DIAPH2: variants seen among roughly 807,000 people sequenced by gnomAD.
DIAPH2 encodes diaphanous related formin 2, also known as protein diaphanous homolog 2.
In DIAPH2, 35 loss-of-function variants were observed where a neutral mutation model predicts 92.7. That is an observed-to-expected ratio of 0.38 (90% confidence interval 0.29 to 0.50). The LOEUF (loss-of-function observed/expected upper bound fraction) is 0.50. Among genes scored for constraint, DIAPH2 ranks in the 20% least tolerant of loss-of-function variants. The pLI is 0.94. For synonymous variants in DIAPH2, 301 were observed against 280.4 expected (o/e 1.07, Z -0.73); for missense variants, 701 against 819.5 (o/e 0.86, Z 1.77).
chrX:96,976,088 T>G (rs1282846254), intron 17 of DIAPH2, among the ~76,000 whole-genome samples: 1 of 95,405 alleles, frequency 1.0e-5, no homozygotes, highest in Non-Finnish European at 2.0e-5. Context: ...TACAACTCAC[T>G]GCGGCCTCGA....
chrX:97,165,657 CA>C, intron 22 of DIAPH2, among the ~76,000 whole-genome samples: 1 of 87,681 alleles, frequency 1.1e-5, no homozygotes. Flanking sequence ...CCATGCCCAG[CA>C]ATTTTTTTTT....
rs142419637 is a variant in DIAPH2 at position 97,527,996 on chromosome X, A to T, written c.3242-71257A>T. On this transcript the variant is annotated intron_variant, in intron 26 of 26. Coordinates refer to ENST00000324765, the MANE Select transcript of DIAPH2 (RefSeq NM_006729.5). The stretch of plus-strand genomic sequence containing the variant: ...CAAGGGAAGAGGATAAAGGAAGAGG[A>T]TATGGTGCCAGAGGAAAATTTTGAG... Among the ~76,000 whole-genome samples, 1,081 of 111,831 alleles carry T rather than the reference A, an allele frequency of 9.7e-3. 13 individuals carry two copies. Among genetic ancestry groups the T allele is most frequent in the African/African-American group, 0.033 (1,028 of 30,774 alleles).
chrX:97,598,223 C>T (rs1018746707), intron 26 of DIAPH2, among the ~76,000 whole-genome samples: 1 of 111,945 alleles, frequency 8.9e-6, no homozygotes, highest in African/African-American at 3.3e-5. Context: ...GCAGGCCTGA[C>T]ATTTAGGCAT....
chrX:96,685,572 G>A (rs1465773432), intron 1 of DIAPH2, among the ~76,000 whole-genome samples: 1 of 112,542 alleles, frequency 8.9e-6, no homozygotes, highest in Non-Finnish European at 1.9e-5. Flanking sequence ...CTCCTAACGC[G>A]TAGGGTCCGG....
At position 97,046,091 on chromosome X, in the gene DIAPH2, A is replaced by T. The variant is rs1237640191; in HGVS notation, c.2051-26850A>T. Among the ~76,000 whole-genome samples the T allele has an allele frequency of 9.3e-5, 10 of 108,024 alleles. 2 individuals carry two copies. Among genetic ancestry groups the T allele is most frequent in the Admixed American group, 9.0e-4 (9 of 10,011 alleles). 93.8% of individuals were successfully genotyped at this position (108,024 alleles called of 115,157 possible). Reference sequence around the variant, plus strand: ...CAAGCGGTCTCGAACTCCTGACCTCAGTTGATCTGCCTGCCTCGGCCTCCC... The same window carrying T: ...CAAGCGGTCTCGAACTCCTGACCTCTGTTGATCTGCCTGCCTCGGCCTCCC... On this transcript the variant is annotated intron_variant, in intron 17 of 26. Coordinates refer to ENST00000324765, the MANE Select transcript of DIAPH2 (RefSeq NM_006729.5).
rs1393819900 is a variant in DIAPH2, at chrX:97,094,260, C to G, written c.2248-5434C>G. Among the ~76,000 whole-genome samples the G allele has an allele frequency of 9.9e-5, 11 of 111,475 alleles. No homozygotes were observed. In the Admixed American group the frequency reaches 1.0e-3, roughly 11 times the overall value. On this transcript the variant is annotated intron_variant, in intron 19 of 26. Coordinates refer to ENST00000324765, the MANE Select transcript of DIAPH2 (RefSeq NM_006729.5). ...TTATCAGCAGTGAGGTGATATTGAT[C>G]ATGGGAAAGTCAATGCGCCTTCTAG...
chrX:96,962,466 TACATATATATATACACACAC>T (rs1377321548), intron 16 of DIAPH2, among the ~76,000 whole-genome samples: 1 of 48,244 alleles, frequency 2.1e-5, no homozygotes, highest in African/African-American at 8.3e-5. Flanking sequence ...CATATATATA[TACATATATATATACACACAC>T]ACACACACAC....
intron 4 of DIAPH2, among the ~76,000 whole-genome samples, chrX:96,853,275 A>C (rs180805900): frequency 8.9e-6 from 1 of 112,200 alleles, no homozygotes; most frequent in East Asian, 2.8e-4. Flanking sequence ...ATTTCACAAG[A>C]CATTGTTTTA....
chrX:97,322,464 A>C (rs772406488), intron 23 of DIAPH2, among the ~76,000 whole-genome samples: 1 of 111,720 alleles, frequency 9.0e-6, no homozygotes, highest in African/African-American at 3.2e-5. Flanking sequence ...ATTTTTAATT[A>C]CTTCCAAAGG....
intron 4 of DIAPH2, among the ~76,000 whole-genome samples, chrX:96,840,574 G>A (rs6620187): frequency 0.1 from 11,362 of 110,302 alleles, 537 homozygotes; most frequent in East Asian, 0.32. Context: ...TCTTGAAGTA[G>A]CCTTTTCCTG....
At chrX:97,400,285 ATG>A (rs769969080) in intron 25 of DIAPH2, among the ~76,000 whole-genome samples, 2 of 112,340 alleles carry the variant, frequency 1.8e-5, no homozygotes, top group African/African-American at 3.2e-5. Context: ...GAGTATTTGT[ATG>A]TGTTTCTGTT....
At chrX:97,316,025 T>G (rs1368144279) in intron 23 of DIAPH2, among the ~76,000 whole-genome samples, 1 of 111,784 alleles carries the variant, frequency 8.9e-6, no homozygotes, top group Non-Finnish European at 1.9e-5. Context: ...TAATTTGGCC[T>G]AAATATATCT....
rs183519863 is a variant in DIAPH2, at chrX:97,270,151, A to G, written c.2844+22312A>G. ...TCCATGTTGGTCAGGCTGGTCTTGA[A>G]CTCCCAGTCTCAGGTGATCTGCCCG... On this transcript the variant is annotated intron_variant, in intron 23 of 26. Coordinates refer to ENST00000324765, the MANE Select transcript of DIAPH2 (RefSeq NM_006729.5). 5.7e-3 allele frequency among the ~76,000 whole-genome samples: 620 copies of G among 108,437 alleles called. 2 individuals carry two copies. Among genetic ancestry groups the G allele is most frequent in the African/African-American group, 0.02 (586 of 29,681 alleles). The allele number at this position is 108,437 out of a possible 115,157, so 94.2% of individuals were successfully genotyped here. A position where few individuals can be genotyped will look rare whatever the true frequency, so the allele number is the denominator to read the frequency against.
At chrX:97,359,960 A>G (rs765877571) in intron 24 of DIAPH2, among the ~76,000 whole-genome samples, 1 of 111,775 alleles carries the variant, frequency 8.9e-6, no homozygotes, top group African/African-American at 3.2e-5. Context: ...CGGTTTTGGA[A>G]TATTCAGAAT....
At chrX:97,337,732 T>C (rs1224212655) in intron 23 of DIAPH2, among the ~76,000 whole-genome samples, 1 of 110,676 alleles carries the variant, frequency 9.0e-6, no homozygotes, top group Non-Finnish European at 1.9e-5. Context: ...CTCTGGAAGG[T>C]TTGCAGGGAG....
At position 97,263,493 on chromosome X, in the gene DIAPH2, A is replaced by G. The variant is rs12013844; in HGVS notation, c.2844+15654A>G. Among the ~76,000 whole-genome samples the G allele has an allele frequency of 2.4e-4, 27 of 111,828 alleles. 1 individual carries two copies. The highest frequency in any genetic ancestry group is 8.1e-4 in the African/African-American group (25 of 30,843). The stretch of plus-strand genomic sequence containing the variant: ...GCACCAGCCATGTGCTAGGCGTTTT[A>G]TTAGGCACTATAACTATACATTCTT... On this transcript the variant is annotated intron_variant, in intron 23 of 26. Transcript: ENST00000324765.
rs778796568 is a variant in DIAPH2, at chrX:97,537,886, C to CT, written c.3242-61349dup. On this transcript the variant is annotated intron_variant, in intron 26 of 26. Coordinates refer to ENST00000324765, the MANE Select transcript of DIAPH2 (RefSeq NM_006729.5). ...ACACTACTTAAGCTAAGACTAAATT[C>CT]TTTTTTTTTTTTTTTTTTGAGACAG... is the stretch of plus-strand genomic sequence containing the variant. Among the ~76,000 whole-genome samples the CT allele has an allele frequency of 7.6e-3, 705 of 92,272 alleles. 8 individuals carry two copies. The highest frequency in any genetic ancestry group is 0.03 in the South Asian group (61 of 2,019). The allele number at this position is 92,272 out of a possible 115,157, so 80.1% of individuals were successfully genotyped here. A position where few individuals can be genotyped will look rare whatever the true frequency, so the allele number is the denominator to read the frequency against.
intron 23 of DIAPH2, among the ~76,000 whole-genome samples, chrX:97,277,521 G>A (rs746459848): frequency 1.8e-5 from 2 of 111,001 alleles, no homozygotes; most frequent in African/African-American, 6.5e-5. Context: ...TAAGATGGTA[G>A]GCAGAAACTG....
rs969396043 is a variant in DIAPH2, at chrX:97,317,027, CATG to C, written c.2845-31084_2845-31082del. Among the ~76,000 whole-genome samples the C allele has an allele frequency of 4.5e-5, 5 of 111,956 alleles. No homozygotes were observed. The East Asian group carries it at 1.4e-3, about 32-fold the overall frequency. On this transcript the variant is annotated intron_variant, in intron 23 of 26. Coordinates refer to ENST00000324765, the MANE Select transcript of DIAPH2 (RefSeq NM_006729.5). The stretch of plus-strand genomic sequence containing the variant: ...AGCAAATTGCTTGGAATATGAATTG[CATG>C]ATGACTATTGTAATGCTTCTATTAT...
Sources: gnomAD v4.1 joint callset for allele counts (sites outside exome capture counted in the v4.1 genomes callset) on GRCh38, gnomAD v4.1.1 for gene constraint, MANE v1.5 for transcripts, NCBI Gene and HGNC (gene_info 2026-07-23, HGNC 2026-07-21) for gene names.